The following ARHGAP35 variants were observed in gnomAD, a reference collection of about 807,000 sequenced individuals.
ARHGAP35 encodes Rho GTPase activating protein 35, also known as rho GTPase-activating protein 35.
ARHGAP35 carries 15 observed loss-of-function variants against 111.1 expected under a neutral mutation model. The ratio of observed to expected loss-of-function variants is 0.13; its 90% confidence interval spans 0.09 to 0.21. The LOEUF (loss-of-function observed/expected upper bound fraction) is 0.21. Among genes scored for constraint, ARHGAP35 ranks in the 10% least tolerant of loss-of-function variants. The probability of loss-of-function intolerance (pLI) is 1.00; values close to 1 mark genes in which losing one functional copy is unlikely to be tolerated. For synonymous variants in ARHGAP35, 643 were observed against 710.3 expected (o/e 0.91, Z 1.51); for missense variants, 1,262 against 1,873.0 (o/e 0.67, Z 6.02).
At chr19:46,874,680 T>G (rs1170691587) in intron 1 of ARHGAP35, among the ~76,000 whole-genome samples, 3 of 151,074 alleles carry the variant, frequency 2.0e-5, no homozygotes, top group Non-Finnish European at 4.4e-5. Context: ...AATTTTTGTA[T>G]TTTTGATAGA....
At chr19:46,876,237 C>T (rs924961841) in intron 1 of ARHGAP35, among the ~76,000 whole-genome samples, 2 of 151,354 alleles carry the variant, frequency 1.3e-5, no homozygotes, top group South Asian at 2.1e-4. Flanking sequence ...CAGGATCTCA[C>T]CCACGTTCCA....
chr19:46,953,965 C>T (rs1048784616), intron 3 of ARHGAP35, among the ~76,000 whole-genome samples: 32 of 152,346 alleles, frequency 2.1e-4, no homozygotes, highest in African/African-American at 7.2e-4. Context: ...AGCCTTCACA[C>T]TCTAGACATG....
intron 1 of ARHGAP35, among the ~76,000 whole-genome samples, 157 bp downstream of exon 1, chr19:46,861,366 C>T (rs2055825754): frequency 6.7e-6 from 1 of 149,608 alleles, no homozygotes; most frequent in African/African-American, 2.4e-5. Context: ...CCCCCCGGGC[C>T]CCGCCGTCCC....
intron 1 of ARHGAP35, among the ~76,000 whole-genome samples, chr19:46,877,971 G>A (rs565380022): frequency 6.6e-6 from 1 of 152,158 alleles, no homozygotes; most frequent in South Asian, 2.1e-4. Context: ...GCCTCCCAAA[G>A]TACTGGAATT....
chr19:46,983,640 G>C (rs1023003002), intron 3 of ARHGAP35, among the ~76,000 whole-genome samples: 1 of 119,126 alleles, frequency 8.4e-6, no homozygotes, highest in African/African-American at 3.3e-5. Flanking sequence ...TTGAGACAGA[G>C]TCTCGCTTTG....
At chr19:46,978,675 T>TTGTATGGTGGGATGTG (rs2056596101) in intron 3 of ARHGAP35, among the ~76,000 whole-genome samples, 7 of 23,742 alleles carry the variant, frequency 2.9e-4, no homozygotes, top group Non-Finnish European at 5.2e-4. Flanking sequence ...GTGGTGGGGT[T>TTGTATGGTGGGATGTG]TGTGTGGTGG....
At chr19:46,971,404 T>TCACA (rs909398890) in intron 3 of ARHGAP35, among the ~76,000 whole-genome samples, 1 of 150,910 alleles carries the variant, frequency 6.6e-6, no homozygotes, top group African/African-American at 2.4e-5. Context: ...AGACTCCATC[T>TCACA]CACACACACA....
intron 3 of ARHGAP35, among the ~76,000 whole-genome samples, chr19:46,941,876 TAAA>T (rs71179279): frequency 2.1e-5 from 2 of 94,536 alleles, no homozygotes; most frequent in East Asian, 3.1e-4. Flanking sequence ...CCTGTCTCTT[TAAA>T]AAAAAAAAAA....
chr19:46,978,960 TTTGGTGGAAAGTGTGTGTGTGGTGGGGC>T (rs2056603468), intron 3 of ARHGAP35, among the ~76,000 whole-genome samples: 1 of 85,206 alleles, frequency 1.2e-5, no homozygotes, highest in African/African-American at 4.8e-5. Flanking sequence ...TGTGGTGGGG[TTTGGTGGAAAGTGTGTGTGTGGTGGGGC>T]TTGTGTGGTG....
intron 1 of ARHGAP35, among the ~76,000 whole-genome samples, chr19:46,875,120 T>C (rs531225179): frequency 6.6e-6 from 1 of 152,190 alleles, no homozygotes; most frequent in East Asian, 1.9e-4. Context: ...CCCCATTTTG[T>C]GTTGGATAAG....
At chr19:46,979,879 G>A (rs1428442581) in intron 3 of ARHGAP35, among the ~76,000 whole-genome samples, 2 of 152,116 alleles carry the variant, frequency 1.3e-5, no homozygotes, top group Non-Finnish European at 2.9e-5. Context: ...AGGGGCAGGG[G>A]AGGGACAGAG....
intron 3 of ARHGAP35, among the ~76,000 whole-genome samples, chr19:46,964,329 G>A (rs185582519): frequency 1.7e-4 from 26 of 151,778 alleles, no homozygotes; most frequent in Non-Finnish European, 2.9e-4. Context: ...CTGCAGTGGC[G>A]TGATCATGGC....
chr19:46,888,291 T>A (rs1349347246), intron 1 of ARHGAP35, among the ~76,000 whole-genome samples: 1 of 62,788 alleles, frequency 1.6e-5, no homozygotes, highest in African/African-American at 7.5e-5. Context: ...TATATATATA[T>A]ATATATATAT....
intron 2 of ARHGAP35, among the ~76,000 whole-genome samples, chr19:46,929,007 T>TGAG (rs140770334): frequency 6.6e-6 from 1 of 152,056 alleles, no homozygotes; most frequent in Admixed American, 6.6e-5. Context: ...CTCCATTATT[T>TGAG]AAGATTAGGG....
chr19:46,895,444 C>T (rs1270734672), intron 1 of ARHGAP35, among the ~76,000 whole-genome samples: 4 of 152,138 alleles, frequency 2.6e-5, no homozygotes, highest in Admixed American at 2.0e-4. Flanking sequence ...GGATTACAGG[C>T]GTGAGCCACC....
rs559844937 is a variant in ARHGAP35 at position 46,923,846 on chromosome 19, G to A, written c.3681+1490G>A. ...TGAGGCAGGAGAATCACGTGAACCT[G>A]GGAGGCAGAGGTTGCAGTGAGCCAA... On this transcript the variant is annotated intron_variant, in intron 2 of 6. Coordinates refer to ENST00000672722, the MANE Select transcript of ARHGAP35 (RefSeq NM_004491.5). Among the ~76,000 whole-genome samples the A allele has an allele frequency of 4.0e-5, 6 of 151,750 alleles. No homozygotes were observed. In the East Asian group the frequency reaches 1.2e-3, roughly 29 times the overall value.
chr19:46,895,412 G>T (rs1389430032), intron 1 of ARHGAP35, among the ~76,000 whole-genome samples: 2 of 152,046 alleles, frequency 1.3e-5, no homozygotes, highest in African/African-American at 4.8e-5. Flanking sequence ...TGATCCACCC[G>T]CCTCGGCCTC....
intron 1 of ARHGAP35, among the ~76,000 whole-genome samples, chr19:46,896,263 G>T (rs1191622238): frequency 6.6e-6 from 1 of 152,142 alleles, no homozygotes; most frequent in Non-Finnish European, 1.5e-5. Context: ...AGGCGTGATG[G>T]TGTGCACCTG....
intron 1 of ARHGAP35, among the ~76,000 whole-genome samples, chr19:46,887,174 A>G (rs765146161): frequency 6.6e-6 from 1 of 151,718 alleles, no homozygotes; most frequent in East Asian, 1.9e-4. Flanking sequence ...GAAAGGATAT[A>G]TTTACCTTCT....
Sources: gnomAD v4.1 joint callset for allele counts (sites outside exome capture counted in the v4.1 genomes callset) on GRCh38, gnomAD v4.1.1 for gene constraint, MANE v1.5 for transcripts, NCBI Gene and HGNC (gene_info 2026-07-23, HGNC 2026-07-21) for gene names.